NEDD4: variants seen among roughly 807,000 people sequenced by gnomAD.
NEDD4 encodes E3 ubiquitin-protein ligase NEDD4.
Under a neutral mutation model 144.9 loss-of-function variants are expected in NEDD4, and 99 were observed. That is an observed-to-expected ratio of 0.68 (90% CI 0.58 to 0.81). The LOEUF is 0.81. NEDD4 is among the 30% of genes least tolerant of loss of function. NEDD4 has a pLI of 0.00. For missense variants in NEDD4, 985 were observed against 1,065.9 expected (o/e 0.92, Z 1.06); for synonymous variants, 318 against 350.6 (o/e 0.91, Z 1.04).
chr15:55,865,313 C>T (rs1472928830), intron 8 of NEDD4, among the ~76,000 whole-genome samples: 1 of 151,628 alleles, frequency 6.6e-6, no homozygotes. Flanking sequence ...GAAAAAACTT[C>T]ACTTGAATTC....
At chr15:55,842,641 G>T (rs532381704) in intron 18 of NEDD4, among the ~76,000 whole-genome samples, 1 of 152,326 alleles carries the variant, frequency 6.6e-6, no homozygotes, top group East Asian at 1.9e-4. Flanking sequence ...GCCTCCCAAA[G>T]TGCTGAGATT....
At chr15:55,893,314 C>G (rs2035631002) in intron 5 of NEDD4, among the ~76,000 whole-genome samples, 1 of 151,558 alleles carries the variant, frequency 6.6e-6, no homozygotes, top group African/African-American at 2.4e-5. Flanking sequence ...ATTCTAAAGA[C>G]AAGAATTGGG....
intron 2 of NEDD4, among the ~76,000 whole-genome samples, chr15:55,960,480 A>T (rs2142319101): frequency 1.3e-5 from 2 of 152,152 alleles, no homozygotes; most frequent in South Asian, 4.2e-4. Context: ...TTGGACTTAC[A>T]CCAGTGATAT....
intron 4 of NEDD4, among the ~76,000 whole-genome samples, chr15:55,948,819 G>A (rs1595868695): frequency 6.6e-6 from 1 of 152,032 alleles, no homozygotes; most frequent in African/African-American, 2.4e-5. Context: ...TGGATTAAAG[G>A]CTTAAACGTT....
At chr15:55,835,280 T>C (rs1433956375) in intron 24 of NEDD4, among the ~76,000 whole-genome samples, 1 of 152,222 alleles carries the variant, frequency 6.6e-6, no homozygotes, top group Non-Finnish European at 1.5e-5. Context: ...CTAATAAACA[T>C]ATTTAATTCC....
At chr15:55,911,298 CAA>C (rs1307431993) in intron 5 of NEDD4, among the ~76,000 whole-genome samples, 1 of 152,038 alleles carries the variant, frequency 6.6e-6, no homozygotes, top group African/African-American at 2.4e-5. Flanking sequence ...GCCCCCACTA[CAA>C]AAGTGTCCAG....
chr15:55,970,355 G>T (rs75253477), intron 1 of NEDD4, among the ~76,000 whole-genome samples: 1 of 152,146 alleles, frequency 6.6e-6, no homozygotes, highest in African/African-American at 2.4e-5. Context: ...GCACTGAAAA[G>T]AAAGACCCAG....
chr15:55,860,624 A>G (rs758413042), intron 10 of NEDD4, 37 bp downstream of exon 10: 2 of 1,613,706 alleles, frequency 1.2e-6, no homozygotes, highest in Non-Finnish European at 1.7e-6. Context: ...TTGCTATAGC[A>G]TGTGTCTTTC....
intron 2 of NEDD4, among the ~76,000 whole-genome samples, chr15:55,963,375 G>T (rs1441627298): frequency 6.6e-6 from 1 of 151,820 alleles, no homozygotes; most frequent in African/African-American, 2.4e-5. Context: ...CAAGTTCCTG[G>T]CTTTTTTATT....
chr15:55,989,113 A>C (rs1410217726), intron 1 of NEDD4, among the ~76,000 whole-genome samples: 1 of 152,068 alleles, frequency 6.6e-6, no homozygotes, highest in Non-Finnish European at 1.5e-5. Context: ...GTGCGTGCCT[A>C]TAATCCCAGC....
chr15:55,970,447 C>A (rs1457367032), intron 1 of NEDD4, among the ~76,000 whole-genome samples: 1 of 152,198 alleles, frequency 6.6e-6, no homozygotes, highest in African/African-American at 2.4e-5. Flanking sequence ...ATAGTCACCA[C>A]AAGCCTTAGG....
intron 1 of NEDD4, among the ~76,000 whole-genome samples, chr15:55,979,027 A>G (rs1384983693): frequency 2.0e-5 from 3 of 151,008 alleles, no homozygotes; most frequent in Non-Finnish European, 1.5e-5. Flanking sequence ...TCCTTCTCCC[A>G]TTCCTCTGTT....
At chr15:55,992,234 G>C (rs540266303) in intron 1 of NEDD4, among the ~76,000 whole-genome samples, 1 of 152,200 alleles carries the variant, frequency 6.6e-6, no homozygotes, top group African/African-American at 2.4e-5. Context: ...GTTTCTGAGG[G>C]ACTATGAGCC....
At chr15:55,857,746 G>A (rs1467611193) in intron 11 of NEDD4, among the ~76,000 whole-genome samples, 2 of 152,096 alleles carry the variant, frequency 1.3e-5, no homozygotes, top group African/African-American at 2.4e-5. Flanking sequence ...AGGAGCCTGG[G>A]AAACAATACT....
At chr15:55,866,327 C>A (rs796180037) in intron 8 of NEDD4, among the ~76,000 whole-genome samples, 13 of 151,462 alleles carry the variant, frequency 8.6e-5, no homozygotes, top group African/African-American at 3.1e-4. Context: ...CTTACTTTGT[C>A]TGCCCATCCA....
In NEDD4 at chr15:55,827,679, T is replaced by C. The variant is rs1346409958; in HGVS notation, c.*2218A>G. 1 of 152,122 alleles carries C rather than the reference T, an allele frequency of 6.6e-6. No homozygotes were observed. The highest frequency in any genetic ancestry group is 1.5e-5 in the Non-Finnish European group (1 of 68,030). 9.4% of individuals were successfully genotyped at this position (152,122 alleles called of 1,614,324 possible). A position where few individuals can be genotyped will look rare whatever the true frequency, so the allele number is the denominator to read the frequency against. The stretch of plus-strand genomic sequence containing the variant: ...TATTACTTTGCTGATATGAAGAAAA[T>C]GAATTATGATGGTAAGATCCATATA... On this transcript the variant is annotated 3_prime_UTR_variant, in exon 29 of 29. Coordinates refer to ENST00000435532, the MANE Select transcript of NEDD4 (RefSeq NM_006154.4).
chr15:55,837,292 T>A (rs1287637348), intron 24 of NEDD4, among the ~76,000 whole-genome samples: 3 of 151,964 alleles, frequency 2.0e-5, no homozygotes, highest in Non-Finnish European at 4.4e-5. Context: ...TAGCCAGGCG[T>A]GGTGGCGGGC....
chr15:55,973,846 A>C (rs1470818777), intron 1 of NEDD4, among the ~76,000 whole-genome samples: 5 of 151,796 alleles, frequency 3.3e-5, no homozygotes, highest in African/African-American at 7.2e-5. Context: ...AAAAAAAAAA[A>C]CAACCTAGCT....
At chr15:55,938,087 G>T (rs567464910) in intron 4 of NEDD4, among the ~76,000 whole-genome samples, 1 of 152,136 alleles carries the variant, frequency 6.6e-6, no homozygotes. Context: ...GTGGCCAGGC[G>T]CAGTGGCTCA....
Sources: gnomAD v4.1 joint callset for allele counts (sites outside exome capture counted in the v4.1 genomes callset) on GRCh38, gnomAD v4.1.1 for gene constraint, MANE v1.5 for transcripts, NCBI Gene and HGNC (gene_info 2026-07-23, HGNC 2026-07-21) for gene names.